Variants in TSHB observed in about 807,000 individuals in gnomAD.
TSHB encodes thyrotropin subunit beta.
In TSHB, 9 loss-of-function variants were observed where a neutral mutation model predicts 9.3. The ratio of observed to expected loss-of-function variants is 0.97; its 90% CI spans 0.58 to 1.69. The LOEUF (loss-of-function observed/expected upper bound fraction) is 1.69. Among genes scored for constraint, TSHB ranks in the 40% most tolerant of loss-of-function variants. The pLI is 0.00. For synonymous variants in TSHB, 57 were observed against 57.2 expected (o/e 1.00, Z 0.01); for missense variants, 182 against 168.5 (o/e 1.08, Z -0.44).
intron 1 of TSHB, among the ~76,000 whole-genome samples, chr1:115,031,390 G>A (rs946927635): frequency 1.3e-5 from 2 of 151,908 alleles, no homozygotes; most frequent in Non-Finnish European, 2.9e-5. Flanking sequence ...AGGTGTACTT[G>A]TCACTTTCTA....
intron 1 of TSHB, among the ~76,000 whole-genome samples, chr1:115,030,935 A>G (rs190933240): frequency 1.3e-3 from 204 of 152,194 alleles, no homozygotes; most frequent in Non-Finnish European, 2.2e-3. Context: ...GAAGGCACAA[A>G]GATATTAAAT....
At chr1:115,030,235 G>C (rs1397959130) in intron 1 of TSHB, among the ~76,000 whole-genome samples, 1 of 151,960 alleles carries the variant, frequency 6.6e-6, no homozygotes, top group Non-Finnish European at 1.5e-5. Flanking sequence ...TTATGAAAAT[G>C]TACTTCCGGG....
intron 1 of TSHB, among the ~76,000 whole-genome samples, chr1:115,031,530 A>G (rs558844504): frequency 1.8e-4 from 28 of 152,058 alleles, no homozygotes; most frequent in Non-Finnish European, 2.6e-4. Flanking sequence ...CATTGATTTT[A>G]TACAGAATTA....
At chr1:115,030,721 T>C (rs180918768) in intron 1 of TSHB, among the ~76,000 whole-genome samples, 96 of 152,108 alleles carry the variant, frequency 6.3e-4, no homozygotes, top group Middle Eastern at 3.4e-3. Context: ...CATGGTGATT[T>C]CAGAATAAGC....
intron 1 of TSHB, among the ~76,000 whole-genome samples, chr1:115,030,618 G>A (rs1377133190): frequency 6.6e-6 from 1 of 151,966 alleles, no homozygotes; most frequent in Non-Finnish European, 1.5e-5. Flanking sequence ...TCAAAGTAGG[G>A]ACATATATGT....
chr1:115,031,732 G>A (rs1399977637), intron 1 of TSHB, among the ~76,000 whole-genome samples: 1 of 151,996 alleles, frequency 6.6e-6, no homozygotes, highest in Non-Finnish European at 1.5e-5. Context: ...AAGCAACTCT[G>A]TACCATAGAG....
intron 1 of TSHB, among the ~76,000 whole-genome samples, 164 bp downstream of exon 1, chr1:115,030,024 A>G (rs1380315732): frequency 1.3e-5 from 2 of 152,112 alleles, no homozygotes; most frequent in Non-Finnish European, 2.9e-5. Flanking sequence ...GTTTAGTAGT[A>G]GATGGAGGTG....
At chr1:115,032,460 T>C (rs1484529882) in intron 1 of TSHB, among the ~76,000 whole-genome samples, 1 of 152,030 alleles carries the variant, frequency 6.6e-6, no homozygotes, top group Non-Finnish European at 1.5e-5. Flanking sequence ...TTATATTTTA[T>C]TTAATAGAAC....
intron 1 of TSHB, among the ~76,000 whole-genome samples, chr1:115,033,005 CTT>C (rs5777208): frequency 2.1e-5 from 3 of 140,634 alleles, no homozygotes; most frequent in Non-Finnish European, 3.1e-5. Context: ...TTGTGTCAAC[CTT>C]TTTTTTTTTT....
In TSHB at chr1:115,033,480, C is replaced by G; in HGVS notation, c.118C>G (p.Leu40Val). ...CGAAAGGAGAGAGTGTGCTTATTGC[C>G]TAACCATCAACACCACCATCTGTGC... is the stretch of plus-strand genomic sequence containing the variant. Reference protein sequence around the residue: ...HIERRECAYCLTINTTICAGY... With the variant: ...HIERRECAYCVTINTTICAGY... The change falls in exon 2 of 3, where the codon CTA becomes GTA. Residue 40 changes from leucine (L) to valine (V), a missense_variant. By Grantham distance (32) the Leu-to-Val change is conservative. Transcript: ENST00000256592. 3.7e-6 allele frequency: 6 copies of G among 1,613,346 alleles called. No individual in the cohort carries two copies. Among genetic ancestry groups the G allele is most frequent in the Non-Finnish European group, 5.1e-6 (6 of 1,179,402 alleles).
Position 115,033,493 on chromosome 1 carries a change from C to T in TSHB, c.131C>T (p.Thr44Ile). 6.2e-7 allele frequency: 1 copy of T among 1,613,332 alleles called. No homozygotes were observed. Among genetic ancestry groups the T allele is most frequent in the Non-Finnish European group, 8.5e-7 (1 of 1,179,350 alleles). Residue 44 changes from threonine (T) to isoleucine (I), a missense_variant, in exon 2 of 3, where the codon ACC becomes ATC. Transcript: ENST00000256592. ...RECAYCLTIN[T>I]TICAGYCMTR... ...TGTGCTTATTGCCTAACCATCAACA[C>T]CACCATCTGTGCTGGATATTGTATG...
At position 115,034,079 on chromosome 1, in the gene TSHB, A is replaced by C. The variant is rs573727472; in HGVS notation, c.269A>C (p.His90Pro). Residue 90 changes from histidine to proline, a missense_variant, in exon 3 of 3, where the codon CAT becomes CCT. Transcript: ENST00000256592. ...GTAGAAATACCAGGATGCCCACTCC[A>C]TGTTGCTCCCTATTTTTCCTATCCT... is the stretch of plus-strand genomic sequence containing the variant. ...RTVEIPGCPL[H>P]VAPYFSYPVA... 6.2e-7 allele frequency: 1 copy of C among 1,613,796 alleles called. No homozygotes were observed. Among genetic ancestry groups the C allele is most frequent in the East Asian group, 2.2e-5 (1 of 44,852 alleles).
intron 1 of TSHB, 95 bp from the exon 2 acceptor site, chr1:115,033,267 T>C: frequency 8.9e-7 from 1 of 1,123,724 alleles, no homozygotes; most frequent in South Asian, 1.3e-5. Context: ...ATCATATGCA[T>C]TGGGATGGTA....
chr1:115,033,610 A>T, intron 2 of TSHB, 86 bp downstream of exon 2: 1 of 1,261,250 alleles, frequency 7.9e-7, no homozygotes, highest in East Asian at 2.3e-5. Context: ...AATGAAATAA[A>T]TCACAACCTC....
In TSHB at chr1:115,034,260, C is replaced by T. The variant is rs771470498; in HGVS notation, c.*33C>T. On this transcript the variant is annotated 3_prime_UTR_variant, in exon 3 of 3. Transcript: ENST00000256592. ...ATAATTTGCAATTTGGTTAAATGTGCTTGCCTGAAATAAAGCTAATAAAAA... is the reference window on the plus strand; with the variant it reads ...ATAATTTGCAATTTGGTTAAATGTGTTTGCCTGAAATAAAGCTAATAAAAA... The T allele has an allele frequency of 6.2e-7, 1 of 1,602,004 alleles. No homozygotes were observed. The highest frequency in any genetic ancestry group is 8.6e-7 in the Non-Finnish European group (1 of 1,169,324).
At chr1:115,033,061 T>C (rs1218600013) in intron 1 of TSHB, among the ~76,000 whole-genome samples, 4 of 151,618 alleles carry the variant, frequency 2.6e-5, no homozygotes, top group Non-Finnish European at 4.4e-5. Flanking sequence ...ACCTGTTCTG[T>C]GTAAAATAAT....
At chr1:115,033,910 C>G in intron 2 of TSHB, 63 bp from the exon 3 acceptor site, 2 of 1,585,834 alleles carry the variant, frequency 1.3e-6, no homozygotes, top group Non-Finnish European at 1.7e-6. Context: ...TTTTATGTTT[C>G]TATTATCTAT....
At chr1:115,030,680 C>G (rs1033923303) in intron 1 of TSHB, among the ~76,000 whole-genome samples, 3 of 152,008 alleles carry the variant, frequency 2.0e-5, no homozygotes, top group Admixed American at 6.6e-5. Flanking sequence ...TGAAACCATG[C>G]CTTCTATGTT....
intron 1 of TSHB, among the ~76,000 whole-genome samples, chr1:115,032,152 ATATATGTTTATCTAATT>A (rs1285884138): frequency 3.9e-5 from 6 of 152,040 alleles, no homozygotes; most frequent in Non-Finnish European, 7.4e-5. Flanking sequence ...CAGATGCTCA[ATATATGTTTATCTAATT>A]TATCTACAAT....
Sources: allele counts gnomAD v4.1 joint callset (sites outside exome capture counted in the v4.1 genomes callset), GRCh38; gene constraint gnomAD v4.1.1; transcripts MANE v1.5; gene names NCBI Gene and HGNC (gene_info 2026-07-23, HGNC 2026-07-21).